Variants in ACTN3 observed in about 807,000 individuals in gnomAD.
ACTN3 encodes the protein actinin alpha 3.
Under a neutral mutation model 119.6 loss-of-function variants are expected in ACTN3, and 91 were observed. The ratio of observed to expected loss-of-function variants is 0.76; its 90% CI spans 0.64 to 0.91. The LOEUF is 0.91. Among genes scored for constraint, ACTN3 ranks in the 40% least tolerant of loss-of-function variants. The pLI is 0.00. For missense variants in ACTN3, 1,221 were observed against 1,215.1 expected, an observed-to-expected ratio of 1.00 and a Z score of -0.07; for synonymous variants, 456 against 478.8, an observed-to-expected ratio of 0.95 and a Z score of 0.62.
At chr11:66,560,851 C>T in intron 15 of ACTN3, 96 bp downstream of exon 15, 1 of 1,355,652 alleles carries the variant, frequency 7.4e-7, no homozygotes, top group Non-Finnish European at 1.0e-6. Context: ...TAAAGTCCAT[C>T]TTCAGATGTG....
rs997005593 is a variant in ACTN3, at chr11:66,551,289, C to T, written c.198C>T (p.Ile66=). Residue 66 remains isoleucine (I), a synonymous_variant, in exon 2 of 21, where the codon ATC becomes ATT. Transcript: ENST00000513398. Reference sequence around the variant, plus strand: ...ACCTGCGCAAGGCAGGCACCCAGATCGAGAACATCGAGGAAGATTTCCGCA... The same window carrying T: ...ACCTGCGCAAGGCAGGCACCCAGATTGAGAACATCGAGGAAGATTTCCGCA... The part of the protein sequence containing the change: ...NSHLRKAGTQ[I]ENIEEDFRNG... 5.0e-6 allele frequency: 8 copies of T among 1,612,442 alleles called. No individual in the cohort carries two copies. Among genetic ancestry groups the T allele is most frequent in the Middle Eastern group, 1.6e-4 (1 of 6,082 alleles).
At chr11:66,558,212 G>T in intron 11 of ACTN3, 38 bp downstream of exon 11, 2 of 1,606,004 alleles carry the variant, frequency 1.2e-6, no homozygotes. Flanking sequence ...ACTGTCTCTT[G>T]GGGTGGAGAT....
At chr11:66,554,690 C>T in intron 5 of ACTN3, 67 bp downstream of exon 5, 1 of 1,357,308 alleles carries the variant, frequency 7.4e-7, no homozygotes, top group Non-Finnish European at 1.0e-6. Flanking sequence ...AGGAGCCCTC[C>T]CTGGTCAGTG....
chr11:66,560,005 C>T lies in ACTN3; in HGVS notation c.1465C>T (p.Arg489Cys), dbSNP rs1455132344. ...DYHEAASVNSRCQAICDQWDN... is the reference protein window; with the variant it reads ...DYHEAASVNSCCQAICDQWDN... ...CCACGAGGCAGCCTCAGTGAATAGC[C>T]GCTGCCAGGCCATCTGCGATCAGTG... The change falls in exon 13 of 21, where the codon CGC (arginine) becomes TGC (cysteine). Residue 489 changes from arginine (R) to cysteine (C), a missense_variant. By Grantham distance (180) the Arg-to-Cys change is radical (BLOSUM62 -3). Around this residue, in one of 3 missense-constraint regions of ACTN3, gnomAD observed 934 missense variants for 899.9 expected, o/e 1.04. Transcript: ENST00000513398. 8 of 1,603,768 alleles carry T rather than the reference C, an allele frequency of 5.0e-6. No homozygotes were observed. Among genetic ancestry groups the T allele is most frequent in the South Asian group, 3.4e-5 (3 of 88,942 alleles).
chr11:66,551,448 T>C lies in ACTN3; in HGVS notation c.263-80T>C. 5 of 1,568,866 alleles carry C rather than the reference T, an allele frequency of 3.2e-6. No homozygotes were observed. The South Asian group carries it at 5.8e-5, about 18-fold the overall frequency. On this transcript the variant is annotated intron_variant, in intron 2 of 20. Transcript: ENST00000513398. ...TGGCGGAGTGTTGGACGGGACTTGG[T>C]GGGGAGGGGAGAGTTTGCGGACAAT...
Position 66,560,055 on chromosome 11 carries a change from G to C in ACTN3, c.1515G>C (p.Gln505His), listed in dbSNP as rs1169687897. The change falls in exon 13 of 21, where the codon CAG becomes CAC. Residue 505 changes from glutamine (Q) to histidine (H), a missense_variant. Physicochemically the swap from Gln to His is conservative, Grantham distance 24. Around this residue, in one of 3 missense-constraint regions of ACTN3, gnomAD observed 934 missense variants for 899.9 expected, o/e 1.04. Transcript: ENST00000513398. Reference sequence around the variant, plus strand: ...GGGACAACCTGGGCACCCTGACCCAGAAGAGGCGGGATGCGCTAGAGGTGG... The same window carrying C: ...GGGACAACCTGGGCACCCTGACCCACAAGAGGCGGGATGCGCTAGAGGTGG... ...DQWDNLGTLT[Q>H]KRRDALERME... The C allele has an allele frequency of 3.8e-6, 6 of 1,578,220 alleles. No individual in the cohort carries two copies. In the Admixed American group the frequency reaches 8.7e-5, roughly 23 times the overall value.
Position 66,551,315 on chromosome 11 carries a change from A to G in ACTN3, c.224A>G (p.Asn75Ser), listed in dbSNP as rs1382112791. ...GAGAACATCGAGGAAGATTTCCGCA[A>G]TGGCCTCAAACTCATGCTGCTCCTG... is the stretch of plus-strand genomic sequence containing the variant. ...QIENIEEDFR[N>S]GLKLMLLLEV... Residue 75 changes from asparagine (N) to serine (S), a missense_variant, in exon 2 of 21, where the codon AAT becomes AGT. By Grantham distance (46) the Asn-to-Ser change is conservative. Around this residue, in one of 3 missense-constraint regions of ACTN3, gnomAD observed 239 missense variants for 231.8 expected, o/e 1.03. Coordinates refer to ENST00000513398, the MANE Select transcript of ACTN3 (RefSeq NM_001104.4). 2.5e-6 allele frequency: 4 copies of G among 1,611,308 alleles called. No homozygotes were observed. The highest frequency in any genetic ancestry group is 3.4e-6 in the Non-Finnish European group (4 of 1,178,832).
intron 11 of ACTN3, chr11:66,558,789 G>C (rs1857662738): frequency 6.1e-6 from 1 of 163,672 alleles, no homozygotes; most frequent in South Asian, 1.9e-4. Context: ...TCAAAGGTGA[G>C]TCCATTCCTC....
rs936465845 is a variant in ACTN3, at chr11:66,553,533, C to T, written c.383-512C>T. ...TTGCACCACTGTACTCCAGCCGGGG[C>T]AAAGAGGGAGACTCCATGGGAAAAA... On this transcript the variant is annotated intron_variant, in intron 3 of 20. Transcript: ENST00000513398. Among the ~76,000 whole-genome samples, 12 of 150,630 alleles carry T rather than the reference C, an allele frequency of 8.0e-5. No homozygotes were observed. In the Admixed American group the frequency reaches 8.0e-4, roughly 10 times the overall value.
chr11:66,548,688 C>T (rs894813345), intron 1 of ACTN3, among the ~76,000 whole-genome samples: 21 of 152,288 alleles, frequency 1.4e-4, no homozygotes, highest in African/African-American at 4.8e-4. Context: ...TCCCCAGTGA[C>T]TCCTCCATCC....
Position 66,560,013 on chromosome 11 carries a change from G to C in ACTN3, c.1473G>C (p.Gln491His), listed in dbSNP as rs1375368125. ...HEAASVNSRC[Q>H]AICDQWDNLG... The stretch of plus-strand genomic sequence containing the variant: ...CAGCCTCAGTGAATAGCCGCTGCCA[G>C]GCCATCTGCGATCAGTGGGACAACC... Residue 491 changes from glutamine to histidine, a missense_variant, in exon 13 of 21, where the codon CAG (glutamine) becomes CAC (histidine). Around this residue, in one of 3 missense-constraint regions of ACTN3, gnomAD observed 934 missense variants for 899.9 expected, o/e 1.04. Transcript: ENST00000513398. 15 of 1,605,034 alleles carry C rather than the reference G, an allele frequency of 9.3e-6. No individual in the cohort carries two copies. Among genetic ancestry groups the C allele is most frequent in the Admixed American group, 1.7e-5 (1 of 59,284 alleles).
intron 8 of ACTN3, among the ~76,000 whole-genome samples, chr11:66,556,760 G>T (rs376760022): frequency 2.6e-5 from 4 of 151,268 alleles, no homozygotes; most frequent in Non-Finnish European, 4.4e-5. Flanking sequence ...TTGTTTGTTT[G>T]TGTTTTGTTT....
In ACTN3 at chr11:66,560,566, TC is replaced by T; in HGVS notation, c.1678-3del. 1 of 1,605,720 alleles carries T rather than the reference TC, an allele frequency of 6.2e-7. No homozygotes were observed. On this transcript the variant is annotated splice_polypyrimidine_tract_variant and splice_region_variant and intron_variant, in intron 14 of 20. Transcript: ENST00000513398. ...ACCAGCTGACACTTCCTGCCTGTCG[TC>T]CCCAGAGCCTGCTGACAGCGCACGA...
Position 66,557,981 on chromosome 11 carries a change from T to C in ACTN3, c.1129-46T>C, listed in dbSNP as rs1259779767. 10 of 1,613,192 alleles carry C rather than the reference T, an allele frequency of 6.2e-6. No individual in the cohort carries two copies. The Admixed American group carries it at 1.7e-4, about 27-fold the overall frequency. The stretch of plus-strand genomic sequence containing the variant: ...GACCTTGAGGTCCGTATCCCATCTG[T>C]ACAATGGGCAAACCGTGATGGAGCG... On this transcript the variant is annotated intron_variant, in intron 10 of 20. Transcript: ENST00000513398.
Position 66,559,396 on chromosome 11 carries a change from G to A in ACTN3, c.1427+10G>A, listed in dbSNP as rs764616341. On this transcript the variant is annotated intron_variant, in intron 12 of 20. Coordinates refer to ENST00000513398, the MANE Select transcript of ACTN3 (RefSeq NM_001104.4). ...TGGCCCAGGAGCTCAAGTAGGCGGG[G>A]CCTCGCGGGGCCCGCCCCCAACACC... The A allele has an allele frequency of 6.7e-7, 1 of 1,486,704 alleles. No individual in the cohort carries two copies. The highest frequency in any genetic ancestry group is 2.7e-5 in the East Asian group (1 of 36,550). The allele number at this position is 1,486,704 out of a possible 1,614,324, so 92.1% of individuals were successfully genotyped here.
rs764546799 is a variant in ACTN3 at position 66,563,019 on chromosome 11, C to T, written c.2548-16C>T. 2.2e-5 allele frequency: 36 copies of T among 1,608,368 alleles called. No homozygotes were observed. The highest frequency in any genetic ancestry group is 1.5e-4 in the Admixed American group (9 of 59,636). ...GGGCACGGGACCTGTGGGTCCTCAACGCCTCTTCTCCCCAGAACTACATCA... is the reference window on the plus strand; with the variant it reads ...GGGCACGGGACCTGTGGGTCCTCAATGCCTCTTCTCCCCAGAACTACATCA... On this transcript the variant is annotated splice_polypyrimidine_tract_variant and intron_variant, in intron 20 of 20. Coordinates refer to ENST00000513398, the MANE Select transcript of ACTN3 (RefSeq NM_001104.4).
chr11:66,554,523 C>T lies in ACTN3; in HGVS notation c.470-13C>T, dbSNP rs1182527541. The T allele has an allele frequency of 1.3e-6, 2 of 1,595,572 alleles. No individual in the cohort carries two copies. The highest frequency in any genetic ancestry group is 1.7e-5 in the Admixed American group (1 of 57,666). On this transcript the variant is annotated splice_polypyrimidine_tract_variant and intron_variant, in intron 4 of 20. Coordinates refer to ENST00000513398, the MANE Select transcript of ACTN3 (RefSeq NM_001104.4). The stretch of plus-strand genomic sequence containing the variant: ...CCCTTCCCAATGAATCCTCCCACCT[C>T]CCCCCGACCCAGAAACCTCAGCCAA...
chr11:66,551,394 G>A (rs777585013), intron 2 of ACTN3, 41 bp downstream of exon 2: 2 of 1,575,918 alleles, frequency 1.3e-6, no homozygotes, highest in African/African-American at 2.7e-5. Flanking sequence ...CCAGGACCCA[G>A]GAACATCTGG....
At chr11:66,549,895 C>G (rs1857438268) in intron 1 of ACTN3, among the ~76,000 whole-genome samples, 1 of 152,128 alleles carries the variant, frequency 6.6e-6, no homozygotes, top group Non-Finnish European at 1.5e-5. Flanking sequence ...AAGTTGTACT[C>G]AGTGTCTACT....
Sources: allele counts gnomAD v4.1 joint callset (sites outside exome capture counted in the v4.1 genomes callset), GRCh38; gene constraint gnomAD v4.1.1; regional missense constraint gnomAD v4.1.1; transcripts MANE v1.5; gene names NCBI Gene and HGNC (gene_info 2026-07-23, HGNC 2026-07-21).